The following CDKL5 variants were observed in gnomAD, a reference collection of about 807,000 sequenced individuals.
CDKL5 encodes the protein cyclin dependent kinase like 5, also known as cyclin-dependent kinase-like 5.
A neutral mutation model predicts 61.7 loss-of-function variants in CDKL5; 8 were observed. That is an observed-to-expected ratio of 0.13 (90% CI 0.08 to 0.23). CDKL5 has a LOEUF of 0.23. Among genes scored for constraint, CDKL5 ranks in the 10% least tolerant of loss-of-function variants. The probability of loss-of-function intolerance (pLI) is 1.00; values close to 1 mark genes in which losing one functional copy is unlikely to be tolerated. For missense variants in CDKL5, 440 were observed against 734.5 expected, an observed-to-expected ratio of 0.60 and a Z score of 4.63; for synonymous variants, 275 against 272.3, an observed-to-expected ratio of 1.01 and a Z score of -0.10.
intron 3 of CDKL5, among the ~76,000 whole-genome samples, chrX:18,540,156 G>GGTT (rs745863506): frequency 0.074 from 8,044 of 109,080 alleles, 318 homozygotes; most frequent in African/African-American, 0.13. Flanking sequence ...TTACTTTCTT[G>GGTT]GTTGTTGTTG....
chrX:18,626,719 T>C (rs201504060), intron 17 of CDKL5: 11 of 34,514 alleles, frequency 3.2e-4, no homozygotes, highest in African/African-American at 1.2e-3. Flanking sequence ...TCTCTCTCTC[T>C]CTCTCCCCCC....
At chrX:18,642,193 G>A (rs189368688), downstream of CDKL5, 13 of 1,187,333 alleles carry the variant, frequency 1.1e-5, no homozygotes, top group African/African-American at 1.8e-5. Context: ...CCATCACATC[G>A]GGGAGGGAAA....
chrX:18,449,641 C>T (rs754407319), intron 1 of CDKL5, among the ~76,000 whole-genome samples: 7 of 112,447 alleles, frequency 6.2e-5, no homozygotes. Flanking sequence ...CCATTCTGGC[C>T]GCATGGTTTC....
intron 3 of CDKL5, among the ~76,000 whole-genome samples, chrX:18,518,384 TC>T (rs1923105750): frequency 1.1e-4 from 10 of 89,256 alleles, no homozygotes; most frequent in East Asian, 7.7e-4. Flanking sequence ...TCTTTTCTTT[TC>T]TTATTTTTTT....
At chrX:18,509,197 G>GCACACGCGCGCACACACACACA (rs1555940192) in intron 2 of CDKL5, among the ~76,000 whole-genome samples, 1 of 64,314 alleles carries the variant, frequency 1.6e-5, no homozygotes, top group African/African-American at 5.9e-5. Context: ...CTCAAAACAC[G>GCACACGCGCGCACACACACACA]CACACACACA....
chrX:18,531,997 C>T (rs773333245), intron 3 of CDKL5, among the ~76,000 whole-genome samples: 2 of 111,967 alleles, frequency 1.8e-5, no homozygotes, highest in East Asian at 2.8e-4. Flanking sequence ...TGAGCCACCG[C>T]GCCCGGCCAG....
chrX:18,459,789 G>A (rs1308985494), intron 1 of CDKL5, among the ~76,000 whole-genome samples: 1 of 85,124 alleles, frequency 1.2e-5, no homozygotes, highest in Non-Finnish European at 2.2e-5. Flanking sequence ...ACTGCAACCT[G>A]TGCCTCCCGG....
At chrX:18,650,112 C>G in intron 20 of CDKL5, 2 of 370,505 alleles carry the variant, frequency 5.4e-6, no homozygotes, top group Non-Finnish European at 9.6e-6. Flanking sequence ...CCCTTCACAT[C>G]TCTTTTGCCA....
At chrX:18,650,654 A>T (rs1927992200) in intron 21 of CDKL5, 2 of 1,133,742 alleles carry the variant, frequency 1.8e-6, no homozygotes, top group African/African-American at 1.8e-5. Flanking sequence ...TTGCCCGAGG[A>T]GCTGTAGAAA....
intron 11 of CDKL5, among the ~76,000 whole-genome samples, chrX:18,600,774 C>G (rs1207030954): frequency 9.0e-6 from 1 of 111,637 alleles, no homozygotes; most frequent in Non-Finnish European, 1.9e-5. Context: ...GGAGTCCTCC[C>G]AAGTCCCCTT....
At chrX:18,454,127 A>T in intron 1 of CDKL5, among the ~76,000 whole-genome samples, 1 of 111,808 alleles carries the variant, frequency 8.9e-6, no homozygotes, top group African/African-American at 3.2e-5. Context: ...CCCTTATTCG[A>T]TGGTTTGGAG....
intron 1 of CDKL5, among the ~76,000 whole-genome samples, chrX:18,478,708 T>TTTG (rs1211813966): frequency 5.6e-5 from 6 of 107,790 alleles, no homozygotes; most frequent in Non-Finnish European, 7.7e-5. Flanking sequence ...AAATATATAT[T>TTTG]TTGTTGTTGT....
At chrX:18,614,441 G>A (rs1165152564) in intron 15 of CDKL5, among the ~76,000 whole-genome samples, 1 of 112,183 alleles carries the variant, frequency 8.9e-6, no homozygotes, top group Non-Finnish European at 1.9e-5. Context: ...CTATCAATCA[G>A]AGGACTGTGT....
At chrX:18,555,401 A>G (rs769397407) in intron 3 of CDKL5, among the ~76,000 whole-genome samples, 5 of 112,346 alleles carry the variant, frequency 4.5e-5, no homozygotes, top group Non-Finnish European at 9.4e-5. Context: ...AGTGCACAAA[A>G]CGATACAATT....
At chrX:18,651,475 C>T (rs1316128776) in intron 21 of CDKL5, among the ~76,000 whole-genome samples, 1 of 110,978 alleles carries the variant, frequency 9.0e-6, no homozygotes, top group African/African-American at 3.3e-5. Context: ...AGAGAGGGAC[C>T]TGATTCCCCT....
chrX:18,441,553 G>T lies in CDKL5; in HGVS notation c.-163+15858G>T, dbSNP rs558892771. Reference sequence around the variant, plus strand: ...TTAGATGGTTTCACTGGGTGGTGGTGGGGGGGCTTAGAAGCAAAATGATGT... The same window carrying T: ...TTAGATGGTTTCACTGGGTGGTGGTTGGGGGGCTTAGAAGCAAAATGATGT... On this transcript the variant is annotated intron_variant, in intron 1 of 17. Coordinates refer to ENST00000623535, the MANE Select transcript of CDKL5 (RefSeq NM_001323289.2). Among the ~76,000 whole-genome samples, 72 of 111,740 alleles carry T rather than the reference G, an allele frequency of 6.4e-4. 1 individual carries two copies. The South Asian group carries it at 0.024, about 38-fold the overall frequency.
At chrX:18,488,355 G>A (rs1412776644) in intron 1 of CDKL5, among the ~76,000 whole-genome samples, 2 of 111,125 alleles carry the variant, frequency 1.8e-5, no homozygotes, top group African/African-American at 3.3e-5. Context: ...TATTGGGGGT[G>A]TCTTAATTAA....
intron 15 of CDKL5, 145 bp downstream of exon 15, chrX:18,613,420 T>C: frequency 1.9e-6 from 1 of 526,464 alleles, no homozygotes; most frequent in Non-Finnish European, 2.9e-6. Flanking sequence ...GAAAATGTGA[T>C]TTTTCATTAT....
intron 10 of CDKL5, among the ~76,000 whole-genome samples, chrX:18,596,781 G>A (rs962405511): frequency 1.7e-4 from 19 of 111,982 alleles, no homozygotes; most frequent in African/African-American, 6.2e-4. Flanking sequence ...ATAATTGAAT[G>A]TTTTTGTTAA....
Sources: allele counts gnomAD v4.1 joint callset (sites outside exome capture counted in the v4.1 genomes callset), GRCh38; gene constraint gnomAD v4.1.1; transcripts MANE v1.5; gene names NCBI Gene and HGNC (gene_info 2026-07-23, HGNC 2026-07-21).